The following ATP8B4 variants were observed in gnomAD, a reference collection of about 807,000 sequenced individuals.
The protein encoded by ATP8B4 is ATPase phospholipid transporting 8B4 (putative), also known as probable phospholipid-transporting ATPase IM.
Under a neutral mutation model 145.6 loss-of-function variants are expected in ATP8B4, and 133 were observed. The observed-to-expected ratio is 0.91, with a 90% CI of 0.79 to 1.05. The LOEUF (loss-of-function observed/expected upper bound fraction) is 1.05. Among genes scored for constraint, ATP8B4 ranks in the 50% least tolerant of loss-of-function variants. ATP8B4 has a pLI of 0.00. For missense variants in ATP8B4, 1,458 were observed against 1,425.2 expected, an observed-to-expected ratio of 1.02 and a Z score of -0.37; for synonymous variants, 507 against 492.9, an observed-to-expected ratio of 1.03 and a Z score of -0.38.
intron 1 of ATP8B4, among the ~76,000 whole-genome samples, chr15:50,108,909 A>T (rs1297098495): frequency 6.6e-6 from 1 of 152,162 alleles, no homozygotes; most frequent in Non-Finnish European, 1.5e-5. Context: ...TGCTCAGTAA[A>T]CACTTGTTGA....
chr15:49,962,338 T>A (rs965775452), intron 13 of ATP8B4, among the ~76,000 whole-genome samples: 31 of 152,246 alleles, frequency 2.0e-4, no homozygotes, highest in Non-Finnish European at 3.7e-4. Flanking sequence ...GAGGCAAATT[T>A]CTATCTTCCA....
At chr15:50,058,982 C>T (rs1229965246) in intron 3 of ATP8B4, among the ~76,000 whole-genome samples, 1 of 151,864 alleles carries the variant, frequency 6.6e-6, no homozygotes, top group Non-Finnish European at 1.5e-5. Context: ...AGTTTTAAAG[C>T]ATCTTCTATC....
chr15:50,056,208 C>T (rs113411047), intron 3 of ATP8B4, among the ~76,000 whole-genome samples: 7 of 152,026 alleles, frequency 4.6e-5, no homozygotes, highest in Non-Finnish European at 8.8e-5. Flanking sequence ...TATCCCCCAA[C>T]ATTCATTCAT....
intron 10 of ATP8B4, chr15:49,982,476 C>G (rs1224183391): frequency 6.6e-6 from 1 of 152,078 alleles, no homozygotes; most frequent in African/African-American, 2.4e-5. Flanking sequence ...CATACTTGAT[C>G]TCATCTGATC....
intron 14 of ATP8B4, among the ~76,000 whole-genome samples, chr15:49,957,184 T>C (rs1195652791): frequency 6.6e-6 from 1 of 151,892 alleles, no homozygotes; most frequent in Non-Finnish European, 1.5e-5. Context: ...TTAAGAAAAA[T>C]ATTAGGAAAA....
At chr15:49,978,168 G>A (rs917885589) in intron 12 of ATP8B4, among the ~76,000 whole-genome samples, 2 of 152,166 alleles carry the variant, frequency 1.3e-5, no homozygotes, top group African/African-American at 4.8e-5. Flanking sequence ...ATATGAAACT[G>A]CACATGTGCA....
At chr15:50,061,134 A>C (rs2052985791) in intron 3 of ATP8B4, among the ~76,000 whole-genome samples, 1 of 152,162 alleles carries the variant, frequency 6.6e-6, no homozygotes, top group African/African-American at 2.4e-5. Context: ...CTTTTGACTC[A>C]GCTGAAGATA....
rs545204012 is a variant in ATP8B4, at chr15:49,881,041, G to A, written c.2698-1582C>T. Among the ~76,000 whole-genome samples, 789 of 152,248 alleles carry A rather than the reference G, an allele frequency of 5.2e-3. 11 individuals carry two copies. The highest frequency in any genetic ancestry group is 0.018 in the African/African-American group (765 of 41,548). ...GCAGGAGAGTGGCATGAACCCGAGA[G>A]GCTGAGGTTGCAGTAAGCCAAGATC... On this transcript the variant is annotated intron_variant, in intron 23 of 27. Coordinates refer to ENST00000284509, the MANE Select transcript of ATP8B4 (RefSeq NM_024837.4).
At chr15:50,149,355 A>G (rs563975029) in intron 1 of ATP8B4, among the ~76,000 whole-genome samples, 1 of 152,276 alleles carries the variant, frequency 6.6e-6, no homozygotes, top group South Asian at 2.1e-4. Context: ...TGATCTGGTG[A>G]TAGACTGCTG....
intron 14 of ATP8B4, among the ~76,000 whole-genome samples, chr15:49,957,959 T>C (rs1341914756): frequency 6.6e-6 from 1 of 151,882 alleles, no homozygotes; most frequent in Non-Finnish European, 1.5e-5. Flanking sequence ...AGAATACAAG[T>C]ACTTTCTTCT....
At chr15:49,957,620 C>T (rs1388758069) in intron 14 of ATP8B4, among the ~76,000 whole-genome samples, 3 of 151,930 alleles carry the variant, frequency 2.0e-5, no homozygotes, top group African/African-American at 4.8e-5. Context: ...GAAAAATACT[C>T]AAGAATAATG....
chr15:49,912,843 C>T (rs1200858268), intron 20 of ATP8B4, among the ~76,000 whole-genome samples: 1 of 152,034 alleles, frequency 6.6e-6, no homozygotes, highest in East Asian at 1.9e-4. Flanking sequence ...TGCCGTGTTT[C>T]CCAGGCTAGT....
At chr15:50,016,795 T>C (rs1313146053) in intron 6 of ATP8B4, among the ~76,000 whole-genome samples, 2 of 152,204 alleles carry the variant, frequency 1.3e-5, no homozygotes, top group African/African-American at 4.8e-5. Flanking sequence ...TCCTGACAGC[T>C]GGGAAAATAT....
chr15:49,978,683 A>G (rs1160479180), intron 12 of ATP8B4, among the ~76,000 whole-genome samples: 1 of 150,834 alleles, frequency 6.6e-6, no homozygotes, highest in Non-Finnish European at 1.5e-5. Flanking sequence ...TGTTAGGATT[A>G]GGATCAAAAA....
chr15:50,167,456 C>G (rs1385850337), intron 1 of ATP8B4, among the ~76,000 whole-genome samples: 1 of 152,102 alleles, frequency 6.6e-6, no homozygotes, highest in African/African-American at 2.4e-5. Flanking sequence ...TTCTCATTGC[C>G]TTCTCTTCTC....
intron 16 of ATP8B4, among the ~76,000 whole-genome samples, chr15:49,927,499 T>A (rs1164665636): frequency 6.6e-6 from 1 of 152,056 alleles, no homozygotes; most frequent in African/African-American, 2.4e-5. Flanking sequence ...ATCCTCCTGA[T>A]TAAAAACCAA....
intron 13 of ATP8B4, among the ~76,000 whole-genome samples, chr15:49,962,953 G>A (rs1486936004): frequency 7.3e-6 from 1 of 136,642 alleles, no homozygotes; most frequent in Non-Finnish European, 1.5e-5. Flanking sequence ...GTTACTTAAA[G>A]AAACTACCAT....
intron 2 of ATP8B4, among the ~76,000 whole-genome samples, chr15:50,080,995 C>G (rs2054513999): frequency 6.6e-6 from 1 of 152,022 alleles, no homozygotes; most frequent in South Asian, 2.1e-4. Context: ...CACCTCTAGT[C>G]CCAGCTACTA....
chr15:50,023,782 A>C (rs2049785784), intron 6 of ATP8B4, among the ~76,000 whole-genome samples: 1 of 144,518 alleles, frequency 6.9e-6, no homozygotes, highest in South Asian at 2.2e-4. Flanking sequence ...CCAAAGGCAA[A>C]AAAAAAAAAA....
Sources: allele counts gnomAD v4.1 joint callset (sites outside exome capture counted in the v4.1 genomes callset), GRCh38; gene constraint gnomAD v4.1.1; transcripts MANE v1.5; gene names NCBI Gene and HGNC (gene_info 2026-07-23, HGNC 2026-07-21).